Variants in STK10 observed in about 807,000 individuals in gnomAD.
STK10 encodes the protein serine/threonine kinase 10.
A neutral mutation model predicts 113.8 loss-of-function variants in STK10; 78 were observed. The ratio of observed to expected loss-of-function variants is 0.69; its 90% CI spans 0.57 to 0.83. STK10 has a LOEUF of 0.83. Ranked by LOEUF, STK10 falls within the 40% of genes least tolerant of loss-of-function variation. STK10 has a pLI of 0.00. For synonymous variants in STK10, 465 were observed against 494.7 expected, an observed-to-expected ratio of 0.94 and a Z score of 0.80; for missense variants, 1,109 against 1,280.1, an observed-to-expected ratio of 0.87 and a Z score of 2.04.
At chr5:172,090,905 A>C (rs975487092) in intron 9 of STK10, among the ~76,000 whole-genome samples, 3 of 137,686 alleles carry the variant, frequency 2.2e-5, no homozygotes, top group Non-Finnish European at 4.6e-5. Flanking sequence ...ACTGCACTCC[A>C]GCCTGGGCCA....
intron 8 of STK10, 81 bp from the exon 9 acceptor site, chr5:172,094,041 C>G (rs910520454): frequency 1.8e-6 from 2 of 1,132,684 alleles, no homozygotes; most frequent in Non-Finnish European, 2.3e-6. Flanking sequence ...TGGAGAAAGT[C>G]AGACACCCTC....
chr5:172,089,393 CAT>C lies in STK10; in HGVS notation c.1685+837_1685+838del, dbSNP rs1768636022. Among the ~76,000 whole-genome samples the C allele has an allele frequency of 2.0e-4, 26 of 132,998 alleles. 1 individual carries two copies. In the South Asian group the frequency reaches 5.8e-3, roughly 29 times the overall value. The allele number at this position is 132,998 out of a possible 152,430, so 87.3% of individuals were successfully genotyped here. ...CTCCAACCTGGTGGGTTGGTGGATACATGGATGGATGGATGGATGGATGGATG... is the reference window on the plus strand; with the variant it reads ...CTCCAACCTGGTGGGTTGGTGGATACGGATGGATGGATGGATGGATGGATG... On this transcript the variant is annotated intron_variant, in intron 10 of 18. Transcript: ENST00000176763.
chr5:172,059,426 C>A (rs548835537), intron 14 of STK10, among the ~76,000 whole-genome samples: 1 of 130,730 alleles, frequency 7.6e-6, no homozygotes, highest in Non-Finnish European at 1.6e-5. Flanking sequence ...CAGCGAGACT[C>A]TCCATCTCAA....
At chr5:172,056,573 A>G (rs911670961) in intron 15 of STK10, among the ~76,000 whole-genome samples, 8 of 152,114 alleles carry the variant, frequency 5.3e-5, no homozygotes, top group Middle Eastern at 3.2e-3. Context: ...AGAGCAAAAG[A>G]AAGACACACA....
At chr5:172,182,705 C>T (rs549205285) in intron 1 of STK10, among the ~76,000 whole-genome samples, 1 of 151,834 alleles carries the variant, frequency 6.6e-6, no homozygotes, top group Non-Finnish European at 1.5e-5. Context: ...AGGCGCCCAC[C>T]ACCACGCCTG....
chr5:172,123,194 C>A (rs549041936), intron 3 of STK10, among the ~76,000 whole-genome samples: 3 of 152,342 alleles, frequency 2.0e-5, no homozygotes, highest in East Asian at 3.9e-4. Flanking sequence ...GGGGCAGAAA[C>A]CCCTCTAAGC....
intron 7 of STK10, among the ~76,000 whole-genome samples, chr5:172,099,089 C>T (rs78695455): frequency 6.6e-5 from 10 of 151,842 alleles, no homozygotes; most frequent in African/African-American, 9.7e-5. Context: ...ATCATCATCA[C>T]GACCATTACC....
At chr5:172,060,749 GGCCCT>G (rs1429850162) in intron 14 of STK10, among the ~76,000 whole-genome samples, 1 of 152,230 alleles carries the variant, frequency 6.6e-6, no homozygotes, top group Non-Finnish European at 1.5e-5. Context: ...GGATAACCTA[GGCCCT>G]GCCTCACAGT....
chr5:172,114,473 A>ATATATATATT (rs1226289994), intron 4 of STK10: 2 of 47,538 alleles, frequency 4.2e-5, no homozygotes, highest in Admixed American at 3.6e-4. Flanking sequence ...ATATATATAT[A>ATATATATATT]TTTTTTTTTT....
chr5:172,061,098 G>T (rs376992298), intron 14 of STK10, 41 bp downstream of exon 14: 2 of 1,567,200 alleles, frequency 1.3e-6, no homozygotes, highest in Non-Finnish European at 1.7e-6. Flanking sequence ...TGTCCACAGC[G>T]ACTCTGGGCC....
At chr5:172,171,889 C>G (rs1014069199) in intron 1 of STK10, among the ~76,000 whole-genome samples, 2 of 152,112 alleles carry the variant, frequency 1.3e-5, no homozygotes, top group Non-Finnish European at 2.9e-5. Context: ...TTTCACTTAA[C>G]AGTATAGCAT....
At chr5:172,140,612 G>A (rs1321416612) in intron 2 of STK10, among the ~76,000 whole-genome samples, 2 of 152,174 alleles carry the variant, frequency 1.3e-5, no homozygotes, top group South Asian at 2.1e-4. Context: ...CAGGAGAATC[G>A]CTTGAATCCG....
chr5:172,057,004 G>GAGAGAGAGA (rs1554115578), intron 15 of STK10: 2 of 73,394 alleles, frequency 2.7e-5, no homozygotes, highest in African/African-American at 1.0e-4. Flanking sequence ...AGAGAAAGAA[G>GAGAGAGAGA]GAAAGAAAGA....
intron 2 of STK10, among the ~76,000 whole-genome samples, chr5:172,137,027 C>G (rs1467851138): frequency 6.6e-6 from 1 of 151,702 alleles, no homozygotes; most frequent in Non-Finnish European, 1.5e-5. Context: ...TCCCAGTGTC[C>G]ACGTGTTCTC....
At chr5:172,116,657 C>G (rs1413398175) in intron 4 of STK10, among the ~76,000 whole-genome samples, 1 of 147,434 alleles carries the variant, frequency 6.8e-6, no homozygotes, top group East Asian at 2.2e-4. Context: ...CACTTGTGGT[C>G]AGGAACTCGA....
At chr5:172,167,209 T>TGATC (rs1285208591) in intron 1 of STK10, among the ~76,000 whole-genome samples, 9 of 149,806 alleles carry the variant, frequency 6.0e-5, no homozygotes, top group Non-Finnish European at 1.2e-4. Flanking sequence ...TGTACTAGGA[T>TGATC]CATGTTCAGT....
At chr5:172,092,732 G>A (rs1202454260) in intron 9 of STK10, 3 of 152,206 alleles carry the variant, frequency 2.0e-5, no homozygotes, top group Admixed American at 1.3e-4. Context: ...GGTGAGTTTA[G>A]TAACACCCCG....
intron 1 of STK10, among the ~76,000 whole-genome samples, chr5:172,166,937 G>A (rs768535486): frequency 1.3e-4 from 20 of 150,484 alleles, no homozygotes; most frequent in Non-Finnish European, 2.5e-4. Flanking sequence ...TGAGGCGGGC[G>A]GATCAGAAAG....
chr5:172,174,907 T>C lies in STK10; in HGVS notation c.156+12980A>G, dbSNP rs936401768. Among the ~76,000 whole-genome samples, 3 of 152,334 alleles carry C rather than the reference T, an allele frequency of 2.0e-5. No homozygotes were observed. In the East Asian group the frequency reaches 5.8e-4, roughly 29 times the overall value. ...ACCCAGGCTGGCTGGAGTTAACTCT[T>C]CAGTCACCAGTGCATTGGTAAAGTC... On this transcript the variant is annotated intron_variant, in intron 1 of 18. Coordinates refer to ENST00000176763, the MANE Select transcript of STK10 (RefSeq NM_005990.4).
Sources: allele counts gnomAD v4.1 joint callset (sites outside exome capture counted in the v4.1 genomes callset), GRCh38; gene constraint gnomAD v4.1.1; transcripts MANE v1.5; gene names NCBI Gene and HGNC (gene_info 2026-07-23, HGNC 2026-07-21).